Variants in DNAH14 observed in about 807,000 individuals in gnomAD.
DNAH14 encodes the protein axonemal beta dynein heavy chain 14.
Under a neutral mutation model 520.9 loss-of-function variants are expected in DNAH14, and 478 were observed. The observed-to-expected ratio is 0.92, with a 90% CI of 0.85 to 0.99. DNAH14 has a LOEUF of 0.99. DNAH14 is among the 50% of genes least tolerant of loss of function. The pLI, the probability that DNAH14 is intolerant of heterozygous loss-of-function variation, is 0.00. For missense variants in DNAH14, 4,831 were observed against 5,234.5 expected (o/e 0.92, Z 2.38); for synonymous variants, 1,581 against 1,757.2 (o/e 0.90, Z 2.51).
At chr1:225,276,990 G>C (rs2093490364) in intron 53 of DNAH14, among the ~76,000 whole-genome samples, 1 of 70,596 alleles carries the variant, frequency 1.4e-5, no homozygotes, top group Non-Finnish European at 2.6e-5. Context: ...AGGAAGGGAG[G>C]GAGGAAGGAA....
At chr1:225,017,120 A>G (rs1452934875) in intron 10 of DNAH14, among the ~76,000 whole-genome samples, 6 of 152,066 alleles carry the variant, frequency 3.9e-5, no homozygotes. Context: ...TTGTTTTTCA[A>G]GATGACATTC....
intron 36 of DNAH14, among the ~76,000 whole-genome samples, chr1:225,182,293 C>A (rs1327873258): frequency 6.6e-6 from 1 of 152,098 alleles, no homozygotes. Flanking sequence ...AAGGAAAAGT[C>A]TTGGAAAAAT....
chr1:225,042,688 T>C (rs1161707363), intron 12 of DNAH14, 147 bp from the exon 13 acceptor site: 1 of 825,154 alleles, frequency 1.2e-6, no homozygotes, highest in African/African-American at 1.7e-5. Context: ...TATTTTAACA[T>C]GCAAGTGTCA....
At chr1:225,194,246 A>C (rs1482620526) in intron 38 of DNAH14, among the ~76,000 whole-genome samples, 1 of 152,164 alleles carries the variant, frequency 6.6e-6, no homozygotes, top group Non-Finnish European at 1.5e-5. Context: ...TGAAGGCATC[A>C]TGTTACCCAA....
chr1:225,363,271 T>A (rs2095513946), intron 75 of DNAH14, among the ~76,000 whole-genome samples: 1 of 152,234 alleles, frequency 6.6e-6, no homozygotes, highest in African/African-American at 2.4e-5. Flanking sequence ...TACTCATGTT[T>A]AGTTTATTGT....
At chr1:225,107,264 G>A (rs796335429) in intron 23 of DNAH14, among the ~76,000 whole-genome samples, 36 of 152,294 alleles carry the variant, frequency 2.4e-4, no homozygotes, top group Non-Finnish European at 4.0e-4. Context: ...GTACCTGGCC[G>A]TGTGAGGTGT....
At chr1:225,297,698 A>G (rs1299841097) in intron 55 of DNAH14, among the ~76,000 whole-genome samples, 4 of 152,174 alleles carry the variant, frequency 2.6e-5, no homozygotes, top group African/African-American at 4.8e-5. Flanking sequence ...CAATGGTGCA[A>G]CTTTGCTGGA....
At chr1:225,374,108 C>CA (rs1279700638) in intron 77 of DNAH14, among the ~76,000 whole-genome samples, 8 of 91,272 alleles carry the variant, frequency 8.8e-5, no homozygotes, top group African/African-American at 2.2e-4. Flanking sequence ...GACCCTGTCT[C>CA]AAAAAAAAAG....
intron 41 of DNAH14, among the ~76,000 whole-genome samples, chr1:225,228,748 T>C (rs1223835767): frequency 1.3e-5 from 2 of 152,206 alleles, no homozygotes; most frequent in South Asian, 2.1e-4. Context: ...TGCATGCGTC[T>C]GTACTCTTCA....
intron 8 of DNAH14, among the ~76,000 whole-genome samples, chr1:224,976,202 G>A (rs1288676099): frequency 6.6e-6 from 1 of 151,934 alleles, no homozygotes; most frequent in Non-Finnish European, 1.5e-5. Context: ...TGTATATTCT[G>A]TTGATTTGGG....
In DNAH14 at chr1:225,240,577, T is replaced by A; in HGVS notation, c.6519-16T>A. 4 of 1,458,338 alleles carry A rather than the reference T, an allele frequency of 2.7e-6. No homozygotes were observed. Among genetic ancestry groups the A allele is most frequent in the Non-Finnish European group, 3.8e-6 (4 of 1,064,218 alleles). 90.3% of individuals were successfully genotyped at this position (1,458,338 alleles called of 1,614,324 possible). A position where few individuals can be genotyped will look rare whatever the true frequency, so the allele number is the denominator to read the frequency against. On this transcript the variant is annotated splice_polypyrimidine_tract_variant and intron_variant, in intron 42 of 85. Coordinates refer to ENST00000682510, the MANE Select transcript of DNAH14 (RefSeq NM_001367479.1). Reference sequence around the variant, plus strand: ...AAAAATGTTAACCTTCATCCTTCCATACCTGTCTACCCCAGGGATGAAAAT... The same window carrying A: ...AAAAATGTTAACCTTCATCCTTCCAAACCTGTCTACCCCAGGGATGAAAAT...
At chr1:224,979,563 C>A (rs2062111819) in intron 8 of DNAH14, among the ~76,000 whole-genome samples, 1 of 151,818 alleles carries the variant, frequency 6.6e-6, no homozygotes, top group African/African-American at 2.4e-5. Flanking sequence ...GTATAGGCCA[C>A]AAGGACCACA....
chr1:225,044,529 C>A (rs756101662), intron 15 of DNAH14, among the ~76,000 whole-genome samples: 55 of 152,114 alleles, frequency 3.6e-4, no homozygotes, highest in Non-Finnish European at 7.2e-4. Flanking sequence ...CCAAGCTAAG[C>A]TGGTGTCTAA....
intron 49 of DNAH14, among the ~76,000 whole-genome samples, chr1:225,267,177 T>A (rs534518056): frequency 1.3e-5 from 2 of 152,290 alleles, no homozygotes; most frequent in Non-Finnish European, 2.9e-5. Flanking sequence ...TCTACATCTT[T>A]ATCTTAAGAT....
Position 225,308,208 on chromosome 1 carries a change from G to A in DNAH14, c.9115-77G>A, listed in dbSNP as rs555582467. On this transcript the variant is annotated intron_variant, in intron 59 of 85. Transcript: ENST00000682510. ...AGTAAACTTTACCATAGTGAAATGA[G>A]ATATTTGAATTGCTCTTTTAGAAAA... 3.5e-5 allele frequency: 49 copies of A among 1,392,490 alleles called. No individual in the cohort carries two copies. The East Asian group carries it at 1.3e-3, about 37-fold the overall frequency. 86.3% of individuals were successfully genotyped at this position (1,392,490 alleles called of 1,614,324 possible).
At chr1:225,021,702 A>G (rs886429197) in intron 10 of DNAH14, among the ~76,000 whole-genome samples, 1 of 152,212 alleles carries the variant, frequency 6.6e-6, no homozygotes, top group African/African-American at 2.4e-5. Flanking sequence ...TAAAATGGCC[A>G]TACTGCCCAA....
At chr1:225,124,798 GT>G (rs71170058) in intron 27 of DNAH14, among the ~76,000 whole-genome samples, 16,478 of 152,004 alleles carry the variant, frequency 0.11, 1,115 homozygotes, top group Middle Eastern at 0.17. Flanking sequence ...TTTCCAGAAG[GT>G]TTTCTATTTA....
chr1:225,340,334 A>C, intron 68 of DNAH14, 123 bp from the exon 69 acceptor site: 5 of 1,033,878 alleles, frequency 4.8e-6, no homozygotes, highest in Non-Finnish European at 6.9e-6. Flanking sequence ...TTGTATACAA[A>C]GCTGAAAAAC....
intron 73 of DNAH14, 86 bp from the exon 74 acceptor site, chr1:225,358,410 T>A: frequency 8.4e-7 from 1 of 1,188,102 alleles, no homozygotes; most frequent in South Asian, 1.8e-5. Flanking sequence ...AAATGAATAC[T>A]TCTTATTTTT....
Sources: gnomAD v4.1 joint callset for allele counts (sites outside exome capture counted in the v4.1 genomes callset) on GRCh38, gnomAD v4.1.1 for gene constraint, MANE v1.5 for transcripts, NCBI Gene and HGNC (gene_info 2026-07-23, HGNC 2026-07-21) for gene names.